PIEZO2: variants seen among roughly 807,000 people sequenced by gnomAD.
The protein encoded by PIEZO2 is piezo-type mechanosensitive ion channel component 2.
A neutral mutation model predicts 337.3 loss-of-function variants in PIEZO2; 172 were observed. The observed-to-expected ratio is 0.51, with a 90% CI of 0.45 to 0.58. The LOEUF (loss-of-function observed/expected upper bound fraction) is 0.58, where lower values mean the gene tolerates loss of function less well. PIEZO2 is among the 20% of genes least tolerant of loss of function. The probability of loss-of-function intolerance (pLI) is 0.00; values close to 1 mark genes in which losing one functional copy is unlikely to be tolerated. For missense variants in PIEZO2, 3,028 were observed against 3,391.3 expected, an observed-to-expected ratio of 0.89 and a Z score of 2.66; for synonymous variants, 1,251 against 1,228.5, an observed-to-expected ratio of 1.02 and a Z score of -0.38.
intron 42 of PIEZO2, among the ~76,000 whole-genome samples, chr18:10,702,768 A>C (rs2035397944): frequency 6.6e-6 from 1 of 152,234 alleles, no homozygotes; most frequent in African/African-American, 2.4e-5. Context: ...TGATAGAGTA[A>C]ATCAACATCA....
Position 10,855,360 on chromosome 18 carries a change from A to G in PIEZO2, c.910T>C (p.Tyr304His), listed in dbSNP as rs751565062. ...CATAAGGATTTCTCTTACCTTGCATAGTAGTCATTGGGTGGAACTGCCTCT... is the reference window on the plus strand; with the variant it reads ...CATAAGGATTTCTCTTACCTTGCATGGTAGTCATTGGGTGGAACTGCCTCT... ...FQEAVPPNDY[Y>H]ARLFGIKSVI... The change falls in exon 7 of 56, where the codon TAT becomes CAT. Residue 304 changes from tyrosine to histidine, a missense_variant. By Grantham distance (83) the Tyr-to-His change is moderately conservative (BLOSUM62 2). Around this residue, in one of 5 missense-constraint regions of PIEZO2, gnomAD observed 542 missense variants for 605.6 expected, o/e 0.89. Transcript: ENST00000674853. This position sits in a 1 kb window ranked among gnomAD's most constrained non-coding sequence, Gnocchi z 4.9. The G allele has an allele frequency of 9.8e-6, 15 of 1,532,530 alleles. No homozygotes were observed. The African/African-American group carries it at 1.8e-4, about 18-fold the overall frequency. 94.9% of individuals were successfully genotyped at this position (1,532,530 alleles called of 1,614,324 possible).
intron 33 of PIEZO2, among the ~76,000 whole-genome samples, chr18:10,737,305 A>T (rs1320140352): frequency 6.6e-6 from 1 of 152,088 alleles, no homozygotes; most frequent in Non-Finnish European, 1.5e-5. Context: ...AAACAAAAAA[A>T]CACGCACACA....
intron 1 of PIEZO2, among the ~76,000 whole-genome samples, chr18:11,072,808 C>G: frequency 6.6e-6 from 1 of 152,158 alleles, no homozygotes; most frequent in East Asian, 1.9e-4. Context: ...GTGTGTCTTT[C>G]TCACCAGTGA....
intron 4 of PIEZO2, among the ~76,000 whole-genome samples, chr18:10,910,204 T>G (rs2030339542): frequency 6.6e-6 from 1 of 152,204 alleles, no homozygotes; most frequent in Non-Finnish European, 1.5e-5. Flanking sequence ...ATATTTCCAC[T>G]GAAAATTTGA....
In PIEZO2 at chr18:10,899,341, G is replaced by C. The variant is rs1201004656; in HGVS notation, c.329+11845C>G. Among the ~76,000 whole-genome samples the C allele has an allele frequency of 6.6e-6, 1 of 152,134 alleles. No homozygotes were observed. Among genetic ancestry groups the C allele is most frequent in the Non-Finnish European group, 1.5e-5 (1 of 68,022 alleles). Reference sequence around the variant, plus strand: ...TATCAGGAAAATGAAGAATCAGGAAGAAACTGTTTTCACTTTATCTAGGAT... The same window carrying C: ...TATCAGGAAAATGAAGAATCAGGAACAAACTGTTTTCACTTTATCTAGGAT... On this transcript the variant is annotated intron_variant, in intron 4 of 55. Transcript: ENST00000674853. This position sits in a 1 kb window ranked among gnomAD's most constrained non-coding sequence, Gnocchi z 4.6.
chr18:10,982,108 A>G lies in PIEZO2; in HGVS notation c.161-2448T>C, dbSNP rs1163902681. 6.6e-6 allele frequency among the ~76,000 whole-genome samples: 1 copy of G among 152,196 alleles called. No individual in the cohort carries two copies. The highest frequency in any genetic ancestry group is 1.5e-5 in the Non-Finnish European group (1 of 68,024). On this transcript the variant is annotated intron_variant, in intron 2 of 55. Transcript: ENST00000674853. This position sits in a 1 kb window ranked among gnomAD's most constrained non-coding sequence, Gnocchi z 4.1. ...AAACATCCAAACTGCATCAGTAGGC[A>G]TATTTGTCTTTTCTTGATTTCAAAG...
In PIEZO2 at chr18:10,726,254, C is replaced by A; in HGVS notation, c.5029+5153G>T. The A allele has an allele frequency of 1.3e-6, 1 of 770,204 alleles. No homozygotes were observed. Among genetic ancestry groups the A allele is most frequent in the Non-Finnish European group, 2.2e-6 (1 of 451,376 alleles). 47.7% of individuals were successfully genotyped at this position (770,204 alleles called of 1,614,324 possible). On this transcript the variant is annotated intron_variant, in intron 36 of 55. Transcript: ENST00000674853. This position sits in a 1 kb window ranked among gnomAD's most constrained non-coding sequence, Gnocchi z 5.9. ...GGGGCTGGAAGAGCTTGTGTGCGAG[C>A]CTGTGTTCGGGAGCATGAGAATGGA...
At chr18:10,708,980 AT>A (rs2035705464) in intron 39 of PIEZO2, among the ~76,000 whole-genome samples, 3 of 152,166 alleles carry the variant, frequency 2.0e-5, no homozygotes, top group Admixed American at 2.0e-4. Context: ...TTTGCACCCC[AT>A]TTTTGGAGTG....
chr18:10,786,453 G>C (rs998421799), intron 16 of PIEZO2, among the ~76,000 whole-genome samples: 1 of 152,100 alleles, frequency 6.6e-6, no homozygotes, highest in South Asian at 2.1e-4. Flanking sequence ...ACTTTTAAGG[G>C]ACTTCCCTTC....
intron 9 of PIEZO2, 75 bp downstream of exon 9, chr18:10,803,800 A>G: frequency 6.7e-7 from 1 of 1,490,362 alleles, no homozygotes; most frequent in South Asian, 1.3e-5. Flanking sequence ...ATATGATATT[A>G]TAAGGCTCAT....
In PIEZO2 at chr18:10,768,690, G is replaced by C. The variant is rs112009026; in HGVS notation, c.2946+1458C>G. On this transcript the variant is annotated intron_variant, in intron 21 of 55. Transcript: ENST00000674853. ...TGTGAATCACAGAGAAGGGAGTGGT[G>C]ATACTCTATGGAAGGCTGTTTTCCC... is the stretch of plus-strand genomic sequence containing the variant. 2.6e-3 allele frequency among the ~76,000 whole-genome samples: 399 copies of C among 152,284 alleles called. 2 individuals are homozygous for C. Among genetic ancestry groups the C allele is most frequent in the African/African-American group, 9.1e-3 (376 of 41,540 alleles).
In PIEZO2 at chr18:10,854,803, T is replaced by A. The variant is rs780718113; in HGVS notation, c.917+550A>T. On this transcript the variant is annotated intron_variant, in intron 7 of 55. Coordinates refer to ENST00000674853, the MANE Select transcript of PIEZO2 (RefSeq NM_001378183.1). This position sits in a 1 kb window ranked among gnomAD's most constrained non-coding sequence, Gnocchi z 4.6. ...ATCATGGCTCACCGCAGTCTTGACC[T>A]CCCAGGCTCAGGTGACGCTCCCACT... is the stretch of plus-strand genomic sequence containing the variant. Among the ~76,000 whole-genome samples, 1 of 152,178 alleles carries A rather than the reference T, an allele frequency of 6.6e-6. No homozygotes were observed. The highest frequency in any genetic ancestry group is 1.5e-5 in the Non-Finnish European group (1 of 68,028).
Position 10,675,276 on chromosome 18 carries a change from C to A in PIEZO2, c.8094G>T (p.Lys2698Asn). The change falls in exon 54 of 56, where the codon AAG becomes AAT. Residue 2698 changes from lysine to asparagine, a missense_variant. By Grantham distance (94) the Lys-to-Asn change is moderately conservative (BLOSUM62 0). Around this residue, in one of 5 missense-constraint regions of PIEZO2, gnomAD observed 332 missense variants for 363.8 expected, o/e 0.91. Transcript: ENST00000674853. ...GTGCTTTCACATAATATGGATAAAT[C>A]TTTTCTATGGTCCTGTACATTAAGA... Reference protein sequence around the residue: ...ESSKTPVTIEKIYPYYVKAPS... With the variant: ...ESSKTPVTIENIYPYYVKAPS... The A allele has an allele frequency of 9.1e-6, 14 of 1,534,894 alleles. No individual in the cohort carries two copies. The highest frequency in any genetic ancestry group is 2.5e-5 in the South Asian group (2 of 81,398).
chr18:10,864,992 G>T (rs1469388036), intron 5 of PIEZO2, among the ~76,000 whole-genome samples: 1 of 152,156 alleles, frequency 6.6e-6, no homozygotes, highest in East Asian at 1.9e-4. Context: ...ATCTGCACAA[G>T]AGCAAACTGT....
chr18:10,684,608 G>C (rs1452516859), intron 49 of PIEZO2, among the ~76,000 whole-genome samples: 2 of 151,930 alleles, frequency 1.3e-5, no homozygotes, highest in Non-Finnish European at 2.9e-5. Context: ...GGGACTACAG[G>C]CACACATCAC....
intron 2 of PIEZO2, among the ~76,000 whole-genome samples, chr18:10,981,406 CA>C (rs2034662349): frequency 6.6e-6 from 1 of 151,958 alleles, no homozygotes; most frequent in Non-Finnish European, 1.5e-5. Context: ...CCCAAAAATG[CA>C]AGATTGTTTT....
chr18:10,822,282 C>G (rs2040541341), intron 7 of PIEZO2, among the ~76,000 whole-genome samples: 1 of 152,198 alleles, frequency 6.6e-6, no homozygotes, highest in South Asian at 2.1e-4. Flanking sequence ...TCATCTCTTG[C>G]TAATGGCTTA....
In PIEZO2 at chr18:10,670,321, T is replaced by C. The variant is rs1384686528; in HGVS notation, c.*1206A>G. The C allele has an allele frequency of 1.3e-5, 2 of 152,222 alleles. No individual in the cohort carries two copies. The highest frequency in any genetic ancestry group is 3.8e-4 in the East Asian group (2 of 5,198). The allele number at this position is 152,222 out of a possible 1,614,324, so 9.4% of individuals were successfully genotyped here. On this transcript the variant is annotated 3_prime_UTR_variant, in exon 56 of 56. Coordinates refer to ENST00000674853, the MANE Select transcript of PIEZO2 (RefSeq NM_001378183.1). ...CACAGGATCAATTTTTGACATATTC[T>C]AGTCCATTCAATGATTCTTCTCAGA...
At chr18:11,030,317 G>T (rs987060547) in intron 2 of PIEZO2, among the ~76,000 whole-genome samples, 1 of 152,190 alleles carries the variant, frequency 6.6e-6, no homozygotes, top group Admixed American at 6.5e-5. Context: ...CAAAGTGAAG[G>T]TGTGGAATAT....
Sources: gnomAD v4.1 joint callset for allele counts (sites outside exome capture counted in the v4.1 genomes callset) on GRCh38, gnomAD v4.1.1 for gene constraint, gnomAD v4.1.1 regional missense constraint, Gnocchi (gnomAD v3.1) non-coding constraint, MANE v1.5 for transcripts, NCBI Gene and HGNC (gene_info 2026-07-23, HGNC 2026-07-21) for gene names.